The following PLPPR5 variants were observed in gnomAD, a reference collection of about 807,000 sequenced individuals.
PLPPR5 encodes the protein phospholipid phosphatase-related protein type 5.
Under a neutral mutation model 33.9 loss-of-function variants are expected in PLPPR5, and 16 were observed. The ratio of observed to expected loss-of-function variants is 0.47; its 90% CI spans 0.32 to 0.72. The LOEUF is 0.72. Ranked by LOEUF, PLPPR5 falls within the 30% of genes least tolerant of loss-of-function variation. The pLI, the probability that PLPPR5 is intolerant of heterozygous loss-of-function variation, is 0.03. For missense variants in PLPPR5, 301 were observed against 406.7 expected, an observed-to-expected ratio of 0.74 and a Z score of 2.23; for synonymous variants, 163 against 150.3, an observed-to-expected ratio of 1.08 and a Z score of -0.62.
intron 3 of PLPPR5, among the ~76,000 whole-genome samples, chr1:98,947,612 A>T (rs887932792): frequency 6.6e-6 from 1 of 152,226 alleles, no homozygotes; most frequent in Non-Finnish European, 1.5e-5. Flanking sequence ...TAAAGATTTT[A>T]AAACACGCAG....
At chr1:98,953,889 T>C (rs1318931887) in intron 2 of PLPPR5, among the ~76,000 whole-genome samples, 1 of 152,176 alleles carries the variant, frequency 6.6e-6, no homozygotes, top group Admixed American at 6.5e-5. Context: ...CAGAGTAATC[T>C]CTACATTGCC....
At chr1:99,005,243 C>G (rs1038225161), upstream of PLPPR5, among the ~76,000 whole-genome samples, 13 of 152,134 alleles carry the variant, frequency 8.5e-5, no homozygotes, top group Non-Finnish European at 1.3e-4. Context: ...GTTTAAGAAA[C>G]CCGCACAACG....
chr1:98,954,701 C>T (rs1395567555), intron 2 of PLPPR5, among the ~76,000 whole-genome samples: 2 of 152,230 alleles, frequency 1.3e-5, no homozygotes, highest in South Asian at 2.1e-4. Context: ...TTCTTAACAT[C>T]TCACCAGCAT....
At chr1:98,992,070 G>T (rs1377092476) in intron 1 of PLPPR5, among the ~76,000 whole-genome samples, 1 of 152,190 alleles carries the variant, frequency 6.6e-6, no homozygotes, top group Non-Finnish European at 1.5e-5. Flanking sequence ...TTATAGAAAA[G>T]ATGGATTACT....
At chr1:98,904,674 CAGGAGAGA>C (rs1648831074) in intron 5 of PLPPR5, among the ~76,000 whole-genome samples, 1 of 152,116 alleles carries the variant, frequency 6.6e-6, no homozygotes. Flanking sequence ...TAAGCACAGG[CAGGAGAGA>C]GAGAAGGACG....
At chr1:98,929,717 T>C (rs141668457) in intron 3 of PLPPR5, among the ~76,000 whole-genome samples, 2,058 of 152,308 alleles carry the variant, frequency 0.014, 17 homozygotes, top group Non-Finnish European at 0.017. Context: ...ATGGCTGATA[T>C]TACATGGAGA....
chr1:98,890,609 A>G lies in PLPPR5; in HGVS notation c.*2463T>C, dbSNP rs918948316. The stretch of plus-strand genomic sequence containing the variant: ...AAAAGGAGATGTTTTTATCAGAAAG[A>G]TATGTGTTTGCCTGCTTTTACTAGA... On this transcript the variant is annotated 3_prime_UTR_variant, in exon 6 of 6. Transcript: ENST00000263177. 1.3e-5 allele frequency: 2 copies of G among 152,554 alleles called. No individual in the cohort carries two copies. Among genetic ancestry groups the G allele is most frequent in the Non-Finnish European group, 2.9e-5 (2 of 68,028 alleles). 9.5% of individuals were successfully genotyped at this position (152,554 alleles called of 1,614,324 possible).
intron 5 of PLPPR5, among the ~76,000 whole-genome samples, chr1:98,907,253 G>A (rs1348387026): frequency 3.4e-5 from 5 of 144,974 alleles, no homozygotes; most frequent in African/African-American, 1.3e-4. Context: ...CCAGGCTGGA[G>A]TGCAGTGCCA....
At position 98,892,122 on chromosome 1, in the gene PLPPR5, T is replaced by G. The variant is rs1373239058; in HGVS notation, c.*950A>C. The G allele has an allele frequency of 7.2e-5, 11 of 152,136 alleles. No homozygotes were observed. Among genetic ancestry groups the G allele is most frequent in the Admixed American group, 6.6e-4 (10 of 15,242 alleles). The allele number at this position is 152,136 out of a possible 1,614,324, so 9.4% of individuals were successfully genotyped here. ...GCAAAGTAAAATACATTAACCATAT[T>G]TCTAGCATTTATATAATTTAAATTA... On this transcript the variant is annotated 3_prime_UTR_variant, in exon 6 of 6. Coordinates refer to ENST00000263177, the MANE Select transcript of PLPPR5 (RefSeq NM_001037317.2).
chr1:98,962,260 T>C (rs567624228), intron 1 of PLPPR5, among the ~76,000 whole-genome samples: 2 of 152,372 alleles, frequency 1.3e-5, no homozygotes, highest in African/African-American at 4.8e-5. Flanking sequence ...ATGTGAATTA[T>C]GTAATGGTTA....
chr1:98,976,718 AAAT>A (rs1388006140), intron 1 of PLPPR5, among the ~76,000 whole-genome samples: 2 of 152,198 alleles, frequency 1.3e-5, no homozygotes, highest in Admixed American at 6.6e-5. Flanking sequence ...TAAAAATAAA[AAAT>A]AACTTATTAA....
intron 1 of PLPPR5, among the ~76,000 whole-genome samples, chr1:98,995,445 A>G (rs1652599984): frequency 6.6e-6 from 1 of 152,154 alleles, no homozygotes; most frequent in Non-Finnish European, 1.5e-5. Context: ...CTGCATATGT[A>G]CCTCCTGAAC....
At chr1:98,969,782 A>C (rs1272299763) in intron 1 of PLPPR5, among the ~76,000 whole-genome samples, 1 of 151,680 alleles carries the variant, frequency 6.6e-6, no homozygotes, top group Non-Finnish European at 1.5e-5. Context: ...CTATGTTGTC[A>C]TATGGTTGAG....
chr1:98,981,995 C>T (rs1652077370), intron 1 of PLPPR5, among the ~76,000 whole-genome samples: 1 of 152,068 alleles, frequency 6.6e-6, no homozygotes, highest in African/African-American at 2.4e-5. Flanking sequence ...TAATTTTTAT[C>T]ACTCTCCAAG....
intron 1 of PLPPR5, among the ~76,000 whole-genome samples, chr1:98,959,791 C>T (rs922872347): frequency 6.6e-6 from 1 of 152,084 alleles, no homozygotes; most frequent in Non-Finnish European, 1.5e-5. Flanking sequence ...TCCCTCAGTC[C>T]GATGAGCCAA....
chr1:98,922,158 T>A (rs1649580899), intron 3 of PLPPR5, 100 bp from the exon 4 acceptor site: 2 of 1,032,180 alleles, frequency 1.9e-6, no homozygotes, highest in Non-Finnish European at 2.8e-6. Context: ...TAGACATATA[T>A]ACGCCTGTAT....
intron 1 of PLPPR5, among the ~76,000 whole-genome samples, chr1:98,997,763 C>A (rs1174384457): frequency 6.6e-6 from 1 of 152,206 alleles, no homozygotes; most frequent in Non-Finnish European, 1.5e-5. Flanking sequence ...AGCTACATAA[C>A]CCATGTAACC....
chr1:98,909,746 A>G (rs1164869340), intron 5 of PLPPR5, among the ~76,000 whole-genome samples: 1 of 152,172 alleles, frequency 6.6e-6, no homozygotes, highest in East Asian at 1.9e-4. Context: ...ACTGGATCCC[A>G]TTGATTTAAT....
chr1:98,995,555 AGTAAGGCCTGCACCCTCTC>A (rs1265608548), intron 1 of PLPPR5, among the ~76,000 whole-genome samples: 2 of 152,248 alleles, frequency 1.3e-5, no homozygotes, highest in Middle Eastern at 6.8e-3. Flanking sequence ...ACAGGACTCT[AGTAAGGCCTGCACCCTCTC>A]CCCCAGTGGC....
Sources: gnomAD v4.1 joint callset for allele counts (sites outside exome capture counted in the v4.1 genomes callset) on GRCh38, gnomAD v4.1.1 for gene constraint, MANE v1.5 for transcripts, NCBI Gene and HGNC (gene_info 2026-07-23, HGNC 2026-07-21) for gene names.